The following TNS3 variants were observed in gnomAD, a reference collection of about 807,000 sequenced individuals.
The protein encoded by TNS3 is tensin-3.
Under a neutral mutation model 140.9 loss-of-function variants are expected in TNS3, and 45 were observed. That is an observed-to-expected ratio of 0.32 (90% confidence interval 0.25 to 0.41). The LOEUF (loss-of-function observed/expected upper bound fraction) is 0.41, where lower values mean the gene tolerates loss of function less well. Ranked by LOEUF, TNS3 falls within the 10% of genes least tolerant of loss-of-function variation. The probability of loss-of-function intolerance (pLI) is 1.00; values close to 1 mark genes in which losing one functional copy is unlikely to be tolerated. For synonymous variants in TNS3, 815 were observed against 788.4 expected (o/e 1.03, Z -0.56); for missense variants, 1,716 against 1,906.7 (o/e 0.90, Z 1.86).
At chr7:47,371,933 T>C (rs943893914) in intron 16 of TNS3, among the ~76,000 whole-genome samples, 1 of 152,184 alleles carries the variant, frequency 6.6e-6, no homozygotes, top group Non-Finnish European at 1.5e-5. Flanking sequence ...GGGTAGATGG[T>C]TCTATGTAAA....
intron 3 of TNS3, among the ~76,000 whole-genome samples, chr7:47,494,111 C>T (rs1056913588): frequency 9.9e-5 from 15 of 152,228 alleles, no homozygotes; most frequent in African/African-American, 3.6e-4. Context: ...TAAAGCTAAA[C>T]TTCCACCCCT....
intron 1 of TNS3, among the ~76,000 whole-genome samples, chr7:47,530,901 A>G (rs1290824727): frequency 1.3e-5 from 2 of 148,520 alleles, no homozygotes; most frequent in Non-Finnish European, 3.0e-5. Context: ...CAAGGCATAC[A>G]ATAATCAAAT....
At chr7:47,431,936 C>T (rs2151516268) in intron 8 of TNS3, among the ~76,000 whole-genome samples, 1 of 152,178 alleles carries the variant, frequency 6.6e-6, no homozygotes, top group East Asian at 1.9e-4. Context: ...CTCATAAATT[C>T]CTGGACACAT....
chr7:47,407,411 C>A lies in TNS3; in HGVS notation c.723+4316G>T, dbSNP rs1793509223. ...GGACCCAGACTCCCGGGAGCAGGAG[C>A]CCTGCACTGCCCACTCACGTGTCCA... On this transcript the variant is annotated intron_variant, in intron 13 of 30. Transcript: ENST00000311160. This position sits in a 1 kb window ranked among gnomAD's most constrained non-coding sequence, Gnocchi z 4.1. 6.6e-6 allele frequency among the ~76,000 whole-genome samples: 1 copy of A among 152,208 alleles called. No individual in the cohort carries two copies. The highest frequency in any genetic ancestry group is 2.4e-5 in the African/African-American group (1 of 41,446).
rs1350356402 is a variant in TNS3, at chr7:47,276,611, C to T, written c.*1465G>A. 1 of 152,238 alleles carries T rather than the reference C, an allele frequency of 6.6e-6. No homozygotes were observed. Among genetic ancestry groups the T allele is most frequent in the African/African-American group, 2.4e-5 (1 of 41,454 alleles). 9.4% of individuals were successfully genotyped at this position (152,238 alleles called of 1,614,324 possible). On this transcript the variant is annotated 3_prime_UTR_variant, in exon 31 of 31. Transcript: ENST00000311160. The stretch of plus-strand genomic sequence containing the variant: ...GCCAAGGCCTTATTCTGATGTGGCC[C>T]AGCTCCATCTTTCACTCTGGGGATG...
intron 20 of TNS3, among the ~76,000 whole-genome samples, chr7:47,342,342 C>T (rs1789067630): frequency 6.6e-6 from 1 of 152,182 alleles, no homozygotes; most frequent in African/African-American, 2.4e-5. Context: ...CAAATACTGT[C>T]ATTTATATGC....
At chr7:47,347,789 C>G (rs1789433474) in intron 17 of TNS3, among the ~76,000 whole-genome samples, 1 of 152,184 alleles carries the variant, frequency 6.6e-6, no homozygotes, top group Non-Finnish European at 1.5e-5. Context: ...GCGTTAGGAC[C>G]TGGGATTTGG....
In TNS3 at chr7:47,368,793, T is replaced by C; in HGVS notation, c.1853A>G (p.Asp618Gly). 6.2e-7 allele frequency: 1 copy of C among 1,606,012 alleles called. No homozygotes were observed. The highest frequency in any genetic ancestry group is 8.5e-7 in the Non-Finnish European group (1 of 1,176,758). Residue 618 changes from aspartate to glycine, a missense_variant, in exon 17 of 31, where the codon GAC (aspartate) becomes GGC (glycine). Around this residue, in one of 3 missense-constraint regions of TNS3, gnomAD observed 1,163 missense variants for 1,182.1 expected, o/e 0.98. Transcript: ENST00000311160. Reference sequence around the variant, plus strand: ...CTGGGCCTGGACGAGGCCAGGATTGTCTGCAGGGCAGCGGCTCACCAGCCG... The same window carrying C: ...CTGGGCCTGGACGAGGCCAGGATTGCCTGCAGGGCAGCGGCTCACCAGCCG... ...EARLVSRCPA[D>G]NPGLVQAQPR...
chr7:47,533,487 C>CA (rs1207868083), intron 1 of TNS3, among the ~76,000 whole-genome samples: 1 of 149,216 alleles, frequency 6.7e-6, no homozygotes, highest in Non-Finnish European at 1.5e-5. Flanking sequence ...TGATGTTAAT[C>CA]AAAGGGAAGT....
intron 16 of TNS3, among the ~76,000 whole-genome samples, chr7:47,375,815 T>G (rs1791349413): frequency 6.6e-6 from 1 of 152,170 alleles, no homozygotes; most frequent in Non-Finnish European, 1.5e-5. Flanking sequence ...ACCAAAAATA[T>G]TCATCACTGA....
chr7:47,498,685 T>A (rs1293706279), intron 3 of TNS3, among the ~76,000 whole-genome samples: 1 of 152,202 alleles, frequency 6.6e-6, no homozygotes, highest in African/African-American at 2.4e-5. Context: ...AGCTTACACT[T>A]ATGCCGCACT....
rs1790848277 is a variant in TNS3, at chr7:47,368,575, G to A, written c.2071C>T (p.Pro691Ser). Residue 691 changes from proline to serine, a missense_variant, in exon 17 of 31, where the codon CCC becomes TCC. By Grantham distance (74) the Pro-to-Ser change is moderately conservative. Transcript: ENST00000311160. The stretch of plus-strand genomic sequence containing the variant: ...ATGGACTGGTCGATGTCCAGGGTGG[G>A]CGAGCCTGGGGAGGGGCCTGTGCTC... The part of the protein sequence containing the change: ...ELSTGPSPGS[P>S]TLDIDQSIEQ... 6.4e-7 allele frequency: 1 copy of A among 1,568,184 alleles called. No individual in the cohort carries two copies. Among genetic ancestry groups the A allele is most frequent in the East Asian group, 2.3e-5 (1 of 44,272 alleles).
chr7:47,335,724 G>A (rs1298927312), intron 20 of TNS3, among the ~76,000 whole-genome samples: 1 of 152,180 alleles, frequency 6.6e-6, no homozygotes, highest in Non-Finnish European at 1.5e-5. Context: ...TATTTGCTGA[G>A]TGTTGATCAG....
chr7:47,490,461 C>A (rs1318941826), intron 3 of TNS3, among the ~76,000 whole-genome samples: 2 of 152,242 alleles, frequency 1.3e-5, no homozygotes, highest in Non-Finnish European at 1.5e-5. Flanking sequence ...TGCCATTCCC[C>A]CATCAAGAGG....
chr7:47,512,636 A>G (rs991576390), intron 2 of TNS3, among the ~76,000 whole-genome samples: 8 of 152,158 alleles, frequency 5.3e-5, no homozygotes, highest in African/African-American at 1.9e-4. Flanking sequence ...GGCCTCATCT[A>G]TAGGAGAGAA....
At chr7:47,421,735 T>C (rs1794381072) in intron 10 of TNS3, among the ~76,000 whole-genome samples, 1 of 152,002 alleles carries the variant, frequency 6.6e-6, no homozygotes, top group South Asian at 2.1e-4. Flanking sequence ...ACAAGGAAGG[T>C]ATAAAAACAG....
In TNS3 at chr7:47,291,248, C is replaced by T. The variant is rs559483567; in HGVS notation, c.3928+707G>A. Among the ~76,000 whole-genome samples the T allele has an allele frequency of 1.1e-4, 16 of 152,210 alleles. No homozygotes were observed. The South Asian group carries it at 2.7e-3, about 26-fold the overall frequency. ...AAAACTATTCACTATGATACTGTAACGGTGATTACCTGTCATTATGCATTT... is the reference window on the plus strand; with the variant it reads ...AAAACTATTCACTATGATACTGTAATGGTGATTACCTGTCATTATGCATTT... On this transcript the variant is annotated intron_variant, in intron 27 of 30. Transcript: ENST00000311160.
At chr7:47,322,213 CAAAAAAAAA>C (rs759875153) in intron 20 of TNS3, among the ~76,000 whole-genome samples, 1 of 49,938 alleles carries the variant, frequency 2.0e-5, no homozygotes, top group African/African-American at 7.8e-5. Flanking sequence ...GTAGAACGGG[CAAAAAAAAA>C]AAAAAAAAAA....
At chr7:47,480,861 T>TG (rs1797389394) in intron 4 of TNS3, among the ~76,000 whole-genome samples, 1 of 152,206 alleles carries the variant, frequency 6.6e-6, no homozygotes, top group African/African-American at 2.4e-5. Context: ...TAACTATTAC[T>TG]GATAGAAAGG....
Sources: gnomAD v4.1 joint callset for allele counts (sites outside exome capture counted in the v4.1 genomes callset) on GRCh38, gnomAD v4.1.1 for gene constraint, gnomAD v4.1.1 regional missense constraint, Gnocchi (gnomAD v3.1) non-coding constraint, MANE v1.5 for transcripts, NCBI Gene and HGNC (gene_info 2026-07-23, HGNC 2026-07-21) for gene names.